PRKCI: variants seen among roughly 807,000 people sequenced by gnomAD.
PRKCI encodes the protein protein kinase C iota type.
A neutral mutation model predicts 84.0 loss-of-function variants in PRKCI; 43 were observed. The ratio of observed to expected loss-of-function variants is 0.51; its 90% CI spans 0.40 to 0.66. PRKCI has a LOEUF of 0.66. Among genes scored for constraint, PRKCI ranks in the 30% least tolerant of loss-of-function variants. The pLI is 0.00. For missense variants in PRKCI, 459 were observed against 745.6 expected (o/e 0.62, Z 4.48); for synonymous variants, 216 against 234.4 (o/e 0.92, Z 0.72).
intron 2 of PRKCI, among the ~76,000 whole-genome samples, chr3:170,240,950 A>C (rs1437999679): frequency 6.6e-6 from 1 of 152,032 alleles, no homozygotes; most frequent in Non-Finnish European, 1.5e-5. Flanking sequence ...ATCATGCCAC[A>C]CTCCTCTTTC....
chr3:170,287,433 A>G (rs1048568054), intron 12 of PRKCI, among the ~76,000 whole-genome samples: 1 of 151,884 alleles, frequency 6.6e-6, no homozygotes, highest in African/African-American at 2.4e-5. Flanking sequence ...TCTTTTATGT[A>G]TCATTCTGTT....
In PRKCI at chr3:170,280,353, C is replaced by T. The variant is rs1428010723; in HGVS notation, c.832C>T (p.Arg278Cys). ...VLLVRLKKTDRIYAMKVVKKE... is the reference protein window; with the variant it reads ...VLLVRLKKTDCIYAMKVVKKE... ...GTTGGTTCGATTAAAAAAAACAGATCGTATTTATGCAATGAAAGTTGTGAA... is the reference window on the plus strand; with the variant it reads ...GTTGGTTCGATTAAAAAAAACAGATTGTATTTATGCAATGAAAGTTGTGAA... Residue 278 changes from arginine to cysteine, a missense_variant, in exon 9 of 18, where the codon CGT (arginine) becomes TGT (cysteine). Coordinates refer to ENST00000295797, the MANE Select transcript of PRKCI (RefSeq NM_002740.6). 7.4e-6 allele frequency: 12 copies of T among 1,613,518 alleles called. No individual in the cohort carries two copies. Among genetic ancestry groups the T allele is most frequent in the Non-Finnish European group, 1.0e-5 (12 of 1,179,816 alleles).
At chr3:170,282,069 T>G in intron 11 of PRKCI, 101 bp downstream of exon 11, 1 of 1,223,848 alleles carries the variant, frequency 8.2e-7, no homozygotes. Context: ...ATTTTGATAC[T>G]AGTTAATTAT....
intron 12 of PRKCI, among the ~76,000 whole-genome samples, chr3:170,288,914 A>T (rs901125371): frequency 6.6e-6 from 1 of 152,226 alleles, no homozygotes; most frequent in Non-Finnish European, 1.5e-5. Flanking sequence ...AAGATTGCAG[A>T]GGATAGTGAT....
At chr3:170,233,868 C>T (rs1732868278) in intron 1 of PRKCI, among the ~76,000 whole-genome samples, 1 of 150,966 alleles carries the variant, frequency 6.6e-6, no homozygotes, top group African/African-American at 2.4e-5. Flanking sequence ...TTATAGGCAC[C>T]CACCACCATG....
chr3:170,294,116 G>A (rs1172789288), intron 14 of PRKCI, among the ~76,000 whole-genome samples: 1 of 152,152 alleles, frequency 6.6e-6, no homozygotes, highest in African/African-American at 2.4e-5. Flanking sequence ...ACAGATTGGA[G>A]AAAGGAATCC....
chr3:170,279,243 C>A (rs1444992319), intron 8 of PRKCI, among the ~76,000 whole-genome samples: 2 of 152,124 alleles, frequency 1.3e-5, no homozygotes, highest in African/African-American at 2.4e-5. Flanking sequence ...ATTGCCCAGG[C>A]TGGTCTTGAA....
At position 170,299,108 on chromosome 3, in the gene PRKCI, C is replaced by T. The variant is rs371799261; in HGVS notation, c.1701C>T (p.Asp567=). Reference sequence around the variant, plus strand: ...AACCTGTCCAGCTCACTCCAGATGACGAGTAAGTAATTCTGTACACTGAAA... The same window carrying T: ...AACCTGTCCAGCTCACTCCAGATGATGAGTAAGTAATTCTGTACACTGAAA... ...TNEPVQLTPD[D]DDIVRKIDQS... is the part of the protein sequence containing the mutation. The change falls in exon 17 of 18, where the codon GAC becomes GAT. Residue 567 remains aspartate, a splice_region_variant and synonymous_variant. Coordinates refer to ENST00000295797, the MANE Select transcript of PRKCI (RefSeq NM_002740.6). 1.6e-5 allele frequency: 25 copies of T among 1,573,530 alleles called. No homozygotes were observed. In the African/African-American group the frequency reaches 2.1e-4, roughly 13 times the overall value.
intron 2 of PRKCI, among the ~76,000 whole-genome samples, chr3:170,235,705 A>G (rs1577341517): frequency 6.6e-6 from 1 of 151,786 alleles, no homozygotes; most frequent in South Asian, 2.1e-4. Flanking sequence ...AGCTGGGACT[A>G]CAAGTGTGCA....
chr3:170,248,456 A>T (rs1025582614), intron 2 of PRKCI, among the ~76,000 whole-genome samples: 21 of 152,184 alleles, frequency 1.4e-4, no homozygotes, highest in African/African-American at 5.1e-4. Context: ...CTCTGGATGT[A>T]TTCCTGCTCT....
chr3:170,244,137 G>A (rs866521596), intron 2 of PRKCI, among the ~76,000 whole-genome samples: 27 of 152,284 alleles, frequency 1.8e-4, no homozygotes, highest in African/African-American at 6.5e-4. Context: ...AGTGAGAAGA[G>A]CATCTTTTGT....
At chr3:170,258,925 AG>A (rs1733654336) in intron 2 of PRKCI, among the ~76,000 whole-genome samples, 2 of 152,304 alleles carry the variant, frequency 1.3e-5, no homozygotes, top group South Asian at 2.1e-4. Flanking sequence ...TTAAAGAAAC[AG>A]GTAACAGAAA....
At chr3:170,229,952 A>G (rs1353254548) in intron 1 of PRKCI, among the ~76,000 whole-genome samples, 2 of 151,940 alleles carry the variant, frequency 1.3e-5, no homozygotes, top group Admixed American at 6.6e-5. Context: ...CCCATTTTCT[A>G]TTGTATTATT....
At chr3:170,295,404 C>T (rs1313681467) in intron 14 of PRKCI, among the ~76,000 whole-genome samples, 3 of 151,966 alleles carry the variant, frequency 2.0e-5, no homozygotes, top group Non-Finnish European at 4.4e-5. Flanking sequence ...CGCAGTGGCT[C>T]ACACCTGTAA....
intron 2 of PRKCI, among the ~76,000 whole-genome samples, chr3:170,259,076 G>C (rs112025349): frequency 0.017 from 2,608 of 151,924 alleles, 83 homozygotes; most frequent in African/African-American, 0.06. Flanking sequence ...CCCAGGAGGC[G>C]GAGGTTGCAG....
At chr3:170,243,131 G>A (rs1221600318) in intron 2 of PRKCI, among the ~76,000 whole-genome samples, 3 of 152,002 alleles carry the variant, frequency 2.0e-5, no homozygotes, top group Non-Finnish European at 4.4e-5. Flanking sequence ...GATGAGTTTT[G>A]ATACCTAGGA....
At chr3:170,297,992 C>T (rs2108867881) in intron 16 of PRKCI, among the ~76,000 whole-genome samples, 1 of 151,804 alleles carries the variant, frequency 6.6e-6, no homozygotes, top group East Asian at 2.0e-4. Flanking sequence ...TCTGCCTCAG[C>T]TTCCTGAGTA....
rs547211245 is a variant in PRKCI, at chr3:170,297,644, G to A, written c.1587+251G>A. 7.9e-5 allele frequency among the ~76,000 whole-genome samples: 12 copies of A among 151,402 alleles called. No individual in the cohort carries two copies. The East Asian group carries it at 2.4e-3, about 30-fold the overall frequency. ...TTTTTGTATTTTTAGTAGAGATGGGGGGGGTTTCACAATGTCGGCCAGGCT... is the reference window on the plus strand; with the variant it reads ...TTTTTGTATTTTTAGTAGAGATGGGAGGGGTTTCACAATGTCGGCCAGGCT... On this transcript the variant is annotated intron_variant, in intron 16 of 17. Transcript: ENST00000295797.
chr3:170,234,905 C>A (rs1010311813), intron 1 of PRKCI, among the ~76,000 whole-genome samples: 2 of 151,732 alleles, frequency 1.3e-5, no homozygotes, highest in Non-Finnish European at 2.9e-5. Context: ...CATGTTCCCC[C>A]CCTGAGAAGG....
Sources: gnomAD v4.1 joint callset for allele counts (sites outside exome capture counted in the v4.1 genomes callset) on GRCh38, gnomAD v4.1.1 for gene constraint, MANE v1.5 for transcripts, NCBI Gene and HGNC (gene_info 2026-07-23, HGNC 2026-07-21) for gene names.